BRINP1: variants seen among roughly 807,000 people sequenced by gnomAD.
BRINP1 encodes the protein BMP/retinoic acid-inducible neural-specific protein 1.
Under a neutral mutation model 72.9 loss-of-function variants are expected in BRINP1, and 17 were observed. The ratio of observed to expected loss-of-function variants is 0.23; its 90% confidence interval spans 0.16 to 0.35. The LOEUF is 0.35. BRINP1 is among the 10% of genes least tolerant of loss of function. The pLI, the probability that BRINP1 is intolerant of heterozygous loss-of-function variation, is 1.00. For synonymous variants in BRINP1, 418 were observed against 378.5 expected, an observed-to-expected ratio of 1.10 and a Z score of -1.21; for missense variants, 850 against 1,001.6, an observed-to-expected ratio of 0.85 and a Z score of 2.04.
chr9:119,351,040 GTATT>G (rs1301034640), intron 1 of BRINP1, among the ~76,000 whole-genome samples: 1 of 151,804 alleles, frequency 6.6e-6, no homozygotes, highest in African/African-American at 2.4e-5. Context: ...CATGTATTAG[GTATT>G]TGTCCTAATG....
intron 1 of BRINP1, among the ~76,000 whole-genome samples, chr9:119,361,592 C>T (rs941879796): frequency 6.6e-6 from 1 of 151,556 alleles, no homozygotes; most frequent in African/African-American, 2.4e-5. Context: ...TTTACAAGAA[C>T]TTTGTCATGC....
chr9:119,254,101 G>A lies in BRINP1; in HGVS notation c.219-4951C>T, dbSNP rs139020275. 9.2e-5 allele frequency among the ~76,000 whole-genome samples: 14 copies of A among 152,268 alleles called. No homozygotes were observed. The East Asian group carries it at 2.7e-3, about 29-fold the overall frequency. ...AAACAACATTAGAGACAAAAAGGTT[G>A]ATTACATATTCGAAATTTGAGCACC... On this transcript the variant is annotated intron_variant, in intron 2 of 7. Coordinates refer to ENST00000265922, the MANE Select transcript of BRINP1 (RefSeq NM_014618.3).
At chr9:119,321,071 C>T (rs1274608241) in intron 1 of BRINP1, among the ~76,000 whole-genome samples, 1 of 152,164 alleles carries the variant, frequency 6.6e-6, no homozygotes, top group Admixed American at 6.5e-5. Context: ...GCTGGGACTA[C>T]AGGCGCCTGC....
intron 7 of BRINP1, among the ~76,000 whole-genome samples, chr9:119,189,369 G>C (rs559382382): frequency 1.3e-5 from 2 of 152,198 alleles, no homozygotes; most frequent in East Asian, 3.9e-4. Context: ...AAAAGACATA[G>C]AGTGGCTGAG....
intron 1 of BRINP1, among the ~76,000 whole-genome samples, chr9:119,332,746 C>A (rs2119013836): frequency 6.6e-6 from 1 of 152,282 alleles, no homozygotes; most frequent in South Asian, 2.1e-4. Flanking sequence ...CACTGAACTG[C>A]AGGAGCAAGA....
chr9:119,299,341 C>T (rs750446018), intron 2 of BRINP1, among the ~76,000 whole-genome samples: 17 of 152,108 alleles, frequency 1.1e-4, no homozygotes, highest in South Asian at 4.1e-4. Flanking sequence ...GGGCCGGGCG[C>T]GGTGGCTCAT....
Position 119,213,935 on chromosome 9 carries a change from C to A in BRINP1, c.906G>T (p.Lys302Asn). 2 of 1,614,110 alleles carry A rather than the reference C, an allele frequency of 1.2e-6. No individual in the cohort carries two copies. The highest frequency in any genetic ancestry group is 2.2e-5 in the South Asian group (2 of 91,080). Residue 302 changes from lysine to asparagine, a missense_variant, in exon 6 of 8, where the codon AAG becomes AAT. By Grantham distance (94) the Lys-to-Asn change is moderately conservative. Transcript: ENST00000265922. ...NMAKSWAEAY[K>N]DLENSDEFKS... The stretch of plus-strand genomic sequence containing the variant: ...ACTCTCTACCTGAATTCTCCAGGTC[C>A]TTATAAGCTTCGGCCCAAGACTTGG...
At chr9:119,202,486 T>C (rs766215669) in intron 7 of BRINP1, among the ~76,000 whole-genome samples, 2 of 152,194 alleles carry the variant, frequency 1.3e-5, no homozygotes, top group Non-Finnish European at 2.9e-5. Context: ...ATACCCATTT[T>C]ATAAGTGATA....
intron 1 of BRINP1, among the ~76,000 whole-genome samples, chr9:119,321,828 G>A (rs1831192200): frequency 6.6e-6 from 1 of 152,176 alleles, no homozygotes; most frequent in Admixed American, 6.5e-5. Context: ...GGAAATACTG[G>A]ATGAAATAAA....
At chr9:119,199,796 T>C (rs573424643) in intron 7 of BRINP1, among the ~76,000 whole-genome samples, 4,364 of 60,598 alleles carry the variant, frequency 0.072, 212 homozygotes, top group African/African-American at 0.24. Context: ...TTTTTCTTGT[T>C]CTTCTTTTTT....
At chr9:119,315,564 T>C (rs1831116402) in intron 1 of BRINP1, among the ~76,000 whole-genome samples, 1 of 152,104 alleles carries the variant, frequency 6.6e-6, no homozygotes, top group Non-Finnish European at 1.5e-5. Flanking sequence ...TTAGTAAACC[T>C]ACAATGACCT....
chr9:119,314,725 G>T (rs1239329689), intron 1 of BRINP1, among the ~76,000 whole-genome samples: 1 of 152,124 alleles, frequency 6.6e-6, no homozygotes, highest in Non-Finnish European at 1.5e-5. Context: ...GTATCTGTTA[G>T]AAACAGTAAT....
chr9:119,176,072 C>A (rs1242139087), intron 7 of BRINP1, among the ~76,000 whole-genome samples: 1 of 152,166 alleles, frequency 6.6e-6, no homozygotes, highest in Non-Finnish European at 1.5e-5. Flanking sequence ...AAACTTGGTA[C>A]TTATTAAGAG....
At chr9:119,239,909 T>G (rs146316361) in intron 4 of BRINP1, among the ~76,000 whole-genome samples, 10 of 152,236 alleles carry the variant, frequency 6.6e-5, no homozygotes, top group Non-Finnish European at 8.8e-5. Flanking sequence ...TTTACTTTCC[T>G]AAAGATACCT....
intron 7 of BRINP1, among the ~76,000 whole-genome samples, chr9:119,208,504 A>G (rs2118871019): frequency 6.6e-6 from 1 of 152,318 alleles, no homozygotes; most frequent in Admixed American, 6.5e-5. Flanking sequence ...CTGAAAATTC[A>G]TGGTACATTC....
intron 5 of BRINP1, among the ~76,000 whole-genome samples, chr9:119,233,290 T>A (rs895020801): frequency 6.6e-6 from 1 of 152,100 alleles, no homozygotes; most frequent in African/African-American, 2.4e-5. Flanking sequence ...AGGCCCTGGT[T>A]TCTTCACCTG....
chr9:119,347,329 G>A (rs1831461802), intron 1 of BRINP1, among the ~76,000 whole-genome samples: 1 of 152,052 alleles, frequency 6.6e-6, no homozygotes, highest in South Asian at 2.1e-4. Context: ...AAGCTATGGG[G>A]CCCACTGTCT....
intron 1 of BRINP1, among the ~76,000 whole-genome samples, chr9:119,317,065 T>C (rs1281526896): frequency 6.7e-6 from 1 of 149,428 alleles, no homozygotes; most frequent in Admixed American, 6.6e-5. Flanking sequence ...CACTCCAGCC[T>C]GGTGACAGAG....
At chr9:119,293,577 C>T (rs1291630826) in intron 2 of BRINP1, among the ~76,000 whole-genome samples, 1 of 152,102 alleles carries the variant, frequency 6.6e-6, no homozygotes, top group East Asian at 1.9e-4. Flanking sequence ...GATGCCAATG[C>T]TTCATCACTT....
Sources: gnomAD v4.1 joint callset for allele counts (sites outside exome capture counted in the v4.1 genomes callset) on GRCh38, gnomAD v4.1.1 for gene constraint, MANE v1.5 for transcripts, NCBI Gene and HGNC (gene_info 2026-07-23, HGNC 2026-07-21) for gene names.